FSTL4: variants seen among roughly 807,000 people sequenced by gnomAD.
FSTL4 encodes follistatin-related protein 4.
FSTL4 carries 28 observed loss-of-function variants against 78.2 expected under a neutral mutation model. That is an observed-to-expected ratio of 0.36 (90% CI 0.27 to 0.49). FSTL4 has a LOEUF of 0.49. Among genes scored for constraint, FSTL4 ranks in the 20% least tolerant of loss-of-function variants. FSTL4 has a pLI of 0.98. For missense variants in FSTL4, 922 were observed against 1,084.9 expected (o/e 0.85, Z 2.11); for synonymous variants, 422 against 440.5 (o/e 0.96, Z 0.53).
chr5:133,432,512 C>T (rs190230999), intron 3 of FSTL4, among the ~76,000 whole-genome samples: 6 of 152,172 alleles, frequency 3.9e-5, no homozygotes, highest in South Asian at 2.1e-4. Flanking sequence ...ATTAAGAGTT[C>T]GAGCTGCTAT....
chr5:133,797,016 C>A, the FSTL4 span, among the ~76,000 whole-genome samples: 3 of 152,144 alleles, frequency 2.0e-5, no homozygotes, highest in African/African-American at 4.8e-5. Flanking sequence ...CCTTTACCAC[C>A]CTTCCTCTTG....
intron 3 of FSTL4, among the ~76,000 whole-genome samples, chr5:133,478,276 A>T (rs1169179528): frequency 6.6e-6 from 1 of 152,184 alleles, no homozygotes; most frequent in Non-Finnish European, 1.5e-5. Flanking sequence ...AGCTACCTTC[A>T]TCTTCACGAT....
intron 4 of FSTL4, among the ~76,000 whole-genome samples, chr5:133,392,220 A>T (rs1755867006): frequency 6.6e-6 from 1 of 152,168 alleles, no homozygotes; most frequent in South Asian, 2.1e-4. Flanking sequence ...AATGAGAGGT[A>T]GACTGAAACG....
At chr5:133,496,110 A>G (rs1390545625) in intron 3 of FSTL4, among the ~76,000 whole-genome samples, 1 of 152,130 alleles carries the variant, frequency 6.6e-6, no homozygotes, top group East Asian at 1.9e-4. Flanking sequence ...CCATCCTCCG[A>G]TCGTTCACTT....
At chr5:133,394,132 C>T (rs1231280693) in intron 4 of FSTL4, among the ~76,000 whole-genome samples, 3 of 152,256 alleles carry the variant, frequency 2.0e-5, no homozygotes, top group Non-Finnish European at 1.5e-5. Context: ...CTCTGGGCTT[C>T]ACGGTCCCTC....
At chr5:133,232,322 G>A (rs918846365) in intron 8 of FSTL4, among the ~76,000 whole-genome samples, 1 of 152,210 alleles carries the variant, frequency 6.6e-6, no homozygotes, top group Non-Finnish European at 1.5e-5. Context: ...CCCCGCCTGT[G>A]CATGGAATCT....
intron 3 of FSTL4, among the ~76,000 whole-genome samples, chr5:133,420,690 G>T (rs1756672657): frequency 6.6e-6 from 1 of 152,202 alleles, no homozygotes; most frequent in African/African-American, 2.4e-5. Context: ...AAACTGCAGA[G>T]ATGCTTCTAA....
At chr5:133,496,117 A>G (rs934365358) in intron 3 of FSTL4, among the ~76,000 whole-genome samples, 6 of 152,142 alleles carry the variant, frequency 3.9e-5, no homozygotes, top group African/African-American at 1.4e-4. Context: ...CCGATCGTTC[A>G]CTTCTGACTA....
chr5:133,374,947 T>C (rs1755394900), intron 4 of FSTL4, among the ~76,000 whole-genome samples: 1 of 152,108 alleles, frequency 6.6e-6, no homozygotes, highest in Admixed American at 6.5e-5. Flanking sequence ...CTCAGGCCTA[T>C]GACAGTGTTA....
At chr5:133,449,155 CT>C (rs1237372795) in intron 3 of FSTL4, among the ~76,000 whole-genome samples, 5 of 152,228 alleles carry the variant, frequency 3.3e-5, no homozygotes, top group Non-Finnish European at 7.3e-5. Flanking sequence ...CCACGTGCCC[CT>C]GTGCCCCTGC....
chr5:133,266,031 C>T (rs1677137663), intron 6 of FSTL4, among the ~76,000 whole-genome samples: 1 of 152,220 alleles, frequency 6.6e-6, no homozygotes, highest in Admixed American at 6.5e-5. Flanking sequence ...CCCAGGCCCA[C>T]ATAGAGTGGC....
intron 6 of FSTL4, among the ~76,000 whole-genome samples, chr5:133,254,610 G>A (rs1007124299): frequency 6.6e-6 from 1 of 152,210 alleles, no homozygotes; most frequent in Non-Finnish European, 1.5e-5. Flanking sequence ...CAACTGCATC[G>A]GGAAGCCTGG....
intron 13 of FSTL4, 98 bp from the exon 14 acceptor site, chr5:133,210,396 T>G: frequency 1.6e-6 from 1 of 620,732 alleles, no homozygotes; most frequent in Middle Eastern, 3.7e-4. Flanking sequence ...GGAAAGCCAG[T>G]CTAGAAGCCT....
At chr5:133,757,241 A>T in the FSTL4 span, among the ~76,000 whole-genome samples, 2 of 152,252 alleles carry the variant, frequency 1.3e-5, no homozygotes, top group Non-Finnish European at 1.5e-5. Context: ...AATAATTTTA[A>T]TAATTTTTTT....
chr5:133,400,312 G>A lies in FSTL4; in HGVS notation c.409+426C>T, dbSNP rs761226040. 2.4e-4 allele frequency among the ~76,000 whole-genome samples: 37 copies of A among 152,198 alleles called. 1 individual carries two copies. The highest frequency in any genetic ancestry group is 1.2e-3 in the Admixed American group (19 of 15,286). ...CAGAGTTTGTGTCCTTGTCACGCTG[G>A]AAGACATTGCGCTGGTGTCTGCCTG... On this transcript the variant is annotated intron_variant, in intron 4 of 15. Coordinates refer to ENST00000265342, the MANE Select transcript of FSTL4 (RefSeq NM_015082.2).
chr5:133,619,322 C>T, the FSTL4 span, among the ~76,000 whole-genome samples: 1 of 152,144 alleles, frequency 6.6e-6, no homozygotes, highest in Non-Finnish European at 1.5e-5. Flanking sequence ...TAATGAGCTG[C>T]GCAAATAACC....
At chr5:133,448,939 C>T (rs896248872) in intron 3 of FSTL4, among the ~76,000 whole-genome samples, 3 of 152,066 alleles carry the variant, frequency 2.0e-5, no homozygotes, top group Non-Finnish European at 2.9e-5. Context: ...TGTTTAATGG[C>T]GATTGACTAA....
the FSTL4 span, among the ~76,000 whole-genome samples, chr5:133,833,670 C>T: frequency 6.6e-6 from 1 of 152,192 alleles, no homozygotes; most frequent in African/African-American, 2.4e-5. Flanking sequence ...CAGAATGAAC[C>T]ATTCCAGACA....
chr5:133,280,482 G>A (rs748083692), intron 6 of FSTL4, among the ~76,000 whole-genome samples: 3 of 152,266 alleles, frequency 2.0e-5, no homozygotes, highest in Non-Finnish European at 4.4e-5. Flanking sequence ...GGCCAGGGGT[G>A]TGCAGATGAG....
Sources: allele counts gnomAD v4.1 joint callset (sites outside exome capture counted in the v4.1 genomes callset), GRCh38; gene constraint gnomAD v4.1.1; transcripts MANE v1.5; gene names NCBI Gene and HGNC (gene_info 2026-07-23, HGNC 2026-07-21).